EEIG1: variants seen among roughly 807,000 people sequenced by gnomAD.
The protein encoded by EEIG1 is early estrogen-induced gene 1 protein.
the EEIG1 span, chr9:127,953,575 C>T: frequency 6.2e-7 from 1 of 1,614,090 alleles, no homozygotes; most frequent in Admixed American, 1.7e-5. Context: ...CCCCTCTTAC[C>T]TTGGAATAAG....
chr9:127,960,541 G>T, the EEIG1 span, among the ~76,000 whole-genome samples: 1 of 152,152 alleles, frequency 6.6e-6, no homozygotes, highest in South Asian at 2.1e-4. Context: ...GCTTGAAAGG[G>T]GGAAGGCTGG....
the EEIG1 span, among the ~76,000 whole-genome samples, chr9:127,946,063 T>A: frequency 6.6e-6 from 1 of 152,210 alleles, no homozygotes; most frequent in African/African-American, 2.4e-5. Context: ...GGAGCAGTGC[T>A]TACTGGGGGT....
chr9:127,941,516 T>G, the EEIG1 span: 1 of 152,428 alleles, frequency 6.6e-6, no homozygotes, highest in Non-Finnish European at 1.5e-5. Flanking sequence ...GAGCGAACAC[T>G]CTGTCCCGCC....
chr9:127,973,509 G>C, the EEIG1 span, among the ~76,000 whole-genome samples: 1 of 152,222 alleles, frequency 6.6e-6, no homozygotes, highest in African/African-American at 2.4e-5. This position sits in a 1 kb window ranked among gnomAD's most constrained non-coding sequence, Gnocchi z 4.2. Context: ...CAGGGCTGCT[G>C]CCAGGCTGGC....
At chr9:127,974,650 A>G in the EEIG1 span, among the ~76,000 whole-genome samples, 12 of 152,178 alleles carry the variant, frequency 7.9e-5, no homozygotes, top group Middle Eastern at 3.2e-3. Context: ...ATGCCTCCCC[A>G]GCTGCCTGCC....
chr9:127,978,045 C>T, the EEIG1 span, among the ~76,000 whole-genome samples: 2 of 152,148 alleles, frequency 1.3e-5, no homozygotes, highest in Non-Finnish European at 2.9e-5. Context: ...GTGTGGGTGG[C>T]CTCAGGATCA....
the EEIG1 span, among the ~76,000 whole-genome samples, chr9:127,974,203 G>A: frequency 6.6e-6 from 1 of 152,120 alleles, no homozygotes; most frequent in Non-Finnish European, 1.5e-5. Flanking sequence ...GCTACCGCCA[G>A]GCCAGCAGTA....
the EEIG1 span, chr9:127,950,447 A>G: frequency 6.2e-7 from 1 of 1,613,918 alleles, no homozygotes; most frequent in South Asian, 1.1e-5. Flanking sequence ...TGTCCTGGCG[A>G]GTGTTCTTCG....
the EEIG1 span, among the ~76,000 whole-genome samples, chr9:127,957,474 A>G: frequency 1.4e-4 from 22 of 152,220 alleles, no homozygotes; most frequent in African/African-American, 5.3e-4. Context: ...ATCTAAATAA[A>G]TGGAAAGACA....
chr9:127,951,051 AGAG>A, the EEIG1 span, among the ~76,000 whole-genome samples: 1 of 152,204 alleles, frequency 6.6e-6, no homozygotes, highest in Non-Finnish European at 1.5e-5. Context: ...GCTGCTGGGC[AGAG>A]TTCAGGGTCT....
chr9:127,943,694 T>G, the EEIG1 span: 1 of 164,926 alleles, frequency 6.1e-6, no homozygotes, highest in Non-Finnish European at 1.3e-5. Context: ...CCAACCAGAT[T>G]GGTTTCTTTC....
At chr9:127,977,253 T>C in the EEIG1 span, among the ~76,000 whole-genome samples, 391 of 152,292 alleles carry the variant, frequency 2.6e-3, 1 homozygote, top group Middle Eastern at 0.017. Flanking sequence ...GGCTGGGAAA[T>C]GCTTTGGGCT....
chr9:127,947,827 C>G, the EEIG1 span, among the ~76,000 whole-genome samples: 1 of 152,154 alleles, frequency 6.6e-6, no homozygotes, highest in Non-Finnish European at 1.5e-5. Flanking sequence ...TGCTAGACTG[C>G]AGGGCCTTGA....
the EEIG1 span, among the ~76,000 whole-genome samples, chr9:127,978,970 TTG>T: frequency 6.6e-6 from 1 of 152,142 alleles, no homozygotes; most frequent in Non-Finnish European, 1.5e-5. Flanking sequence ...TGAGCCATGC[TTG>T]TGTCACTGCA....
At chr9:127,946,571 C>T in the EEIG1 span, among the ~76,000 whole-genome samples, 2 of 152,238 alleles carry the variant, frequency 1.3e-5, no homozygotes, top group East Asian at 3.9e-4. Flanking sequence ...TCAAGTCTCA[C>T]CCTGCCTGGG....
chr9:127,953,462 G>T, the EEIG1 span: 7 of 859,662 alleles, frequency 8.1e-6, no homozygotes. Flanking sequence ...CACATCTCAG[G>T]TAGGGCTGAG....
the EEIG1 span, chr9:127,942,796 G>A: frequency 7.2e-6 from 2 of 277,126 alleles, no homozygotes; most frequent in Non-Finnish European, 1.4e-5. Context: ...TGGGGACACA[G>A]GTAGAGAGGC....
the EEIG1 span, among the ~76,000 whole-genome samples, chr9:127,970,971 C>T: frequency 1.3e-5 from 2 of 152,226 alleles, no homozygotes; most frequent in African/African-American, 4.8e-5. Flanking sequence ...GCCACATCTC[C>T]AGGGCCCAGC....
the EEIG1 span, among the ~76,000 whole-genome samples, chr9:127,977,699 T>C: frequency 1.3e-5 from 2 of 152,204 alleles, no homozygotes; most frequent in African/African-American, 4.8e-5. Context: ...GACATCCCCA[T>C]TTTACAGAAA....
Sources: gnomAD v4.1 joint callset for allele counts (sites outside exome capture counted in the v4.1 genomes callset) on GRCh38, gnomAD v4.1.1 for gene constraint, Gnocchi (gnomAD v3.1) non-coding constraint, MANE v1.5 for transcripts, NCBI Gene and HGNC (gene_info 2026-07-23, HGNC 2026-07-21) for gene names.